Variants in ASTN2 observed in about 807,000 individuals in gnomAD.
ASTN2 encodes astrotactin 2.
ASTN2 carries 54 observed loss-of-function variants against 139.8 expected under a neutral mutation model. That is an observed-to-expected ratio of 0.39 (90% CI 0.31 to 0.48). The LOEUF is 0.48. ASTN2 is among the 20% of genes least tolerant of loss of function. ASTN2 has a pLI of 0.95. For synonymous variants in ASTN2, 756 were observed against 719.5 expected, an observed-to-expected ratio of 1.05 and a Z score of -0.81; for missense variants, 1,565 against 1,725.1, an observed-to-expected ratio of 0.91 and a Z score of 1.64.
chr9:117,019,866 A>G (rs908824757), intron 6 of ASTN2, among the ~76,000 whole-genome samples: 3 of 152,090 alleles, frequency 2.0e-5, no homozygotes, highest in Admixed American at 1.3e-4. Context: ...GGACAACAAT[A>G]CCTAACATAT....
chr9:117,327,159 C>A (rs539115637), intron 1 of ASTN2, among the ~76,000 whole-genome samples: 2 of 152,282 alleles, frequency 1.3e-5, no homozygotes, highest in East Asian at 3.9e-4. Context: ...CATGGCTGAT[C>A]TGACAGGAGA....
At chr9:117,083,642 A>T in intron 5 of ASTN2, among the ~76,000 whole-genome samples, 1 of 152,186 alleles carries the variant, frequency 6.6e-6, no homozygotes, top group East Asian at 1.9e-4. Context: ...GGAAGCAAAG[A>T]GTCACAGTCT....
chr9:117,147,430 T>A (rs150267961), intron 3 of ASTN2, among the ~76,000 whole-genome samples: 9 of 116,324 alleles, frequency 7.7e-5, no homozygotes, highest in African/African-American at 2.8e-4. Flanking sequence ...AGTGAGACTC[T>A]GACTCAAAAC....
At chr9:117,115,416 C>T (rs922500663) in intron 4 of ASTN2, among the ~76,000 whole-genome samples, 2 of 152,024 alleles carry the variant, frequency 1.3e-5, no homozygotes, top group African/African-American at 4.8e-5. Flanking sequence ...ACTAAGGAGG[C>T]TGAGGCAGGA....
Position 116,564,288 on chromosome 9 carries a change from C to G in ASTN2, c.3355+54036G>C, listed in dbSNP as rs567611380. Among the ~76,000 whole-genome samples, 8 of 152,218 alleles carry G rather than the reference C, an allele frequency of 5.3e-5. No individual in the cohort carries two copies. In the East Asian group the frequency reaches 1.5e-3, roughly 29 times the overall value. On this transcript the variant is annotated intron_variant, in intron 19 of 22. Transcript: ENST00000313400. ...AAACATGTAGCTTTCTGAGGTGGCC[C>G]AAAGTGCATGGAACTGATTGCCTCC...
intron 1 of ASTN2, among the ~76,000 whole-genome samples, chr9:117,331,658 A>G (rs1046690365): frequency 6.6e-6 from 1 of 152,158 alleles, no homozygotes; most frequent in African/African-American, 2.4e-5. Context: ...TGCTCTTGGA[A>G]TATTAGCGAT....
chr9:116,562,721 T>G, intron 19 of ASTN2, among the ~76,000 whole-genome samples: 1 of 110,476 alleles, frequency 9.1e-6, no homozygotes, highest in African/African-American at 3.8e-5. Flanking sequence ...ACAGTGCGAG[T>G]GACTGCCTCA....
At chr9:117,193,068 A>G (rs1165718255) in intron 3 of ASTN2, among the ~76,000 whole-genome samples, 1 of 152,148 alleles carries the variant, frequency 6.6e-6, no homozygotes, top group Non-Finnish European at 1.5e-5. Context: ...GTGATGGTAA[A>G]CATTTGTTAA....
intron 19 of ASTN2, among the ~76,000 whole-genome samples, chr9:116,533,721 A>G (rs7022867): frequency 0.2 from 31,026 of 152,140 alleles, 3,318 homozygotes; most frequent in Non-Finnish European, 0.23. Flanking sequence ...CCACTTGATC[A>G]TGGTGGATAA....
intron 19 of ASTN2, among the ~76,000 whole-genome samples, chr9:116,578,321 A>G (rs917191893): frequency 2.6e-5 from 4 of 151,900 alleles, no homozygotes; most frequent in Admixed American, 2.6e-4. Flanking sequence ...TAGGACCCAA[A>G]CTCTGTTTTT....
At chr9:117,198,047 GT>G (rs200025537) in intron 3 of ASTN2, among the ~76,000 whole-genome samples, 159 of 150,938 alleles carry the variant, frequency 1.1e-3, no homozygotes, top group African/African-American at 3.6e-3. Context: ...TGCCTATGTA[GT>G]TTTTTTTTCC....
In ASTN2 at chr9:116,805,640, C is replaced by T; in HGVS notation, c.2388G>A (p.Met796Ile). ...AAGTATCTACAGCATACCTAAAGGT[C>T]ATCTGGAAGACTTGGCCTTGGTTCA... ...QHVNQGQVFQ[M>I]TFRENNFIKD... Residue 796 changes from methionine to isoleucine, a missense_variant, in exon 13 of 23, where the codon ATG becomes ATA. By Grantham distance (10) the Met-to-Ile change is conservative. This residue lies in a region of ASTN2 where 503 missense variants were observed against 591.7 expected (regional missense o/e 0.85). Coordinates refer to ENST00000313400, the MANE Select transcript of ASTN2 (RefSeq NM_001365068.1). The T allele has an allele frequency of 6.2e-7, 1 of 1,613,678 alleles. No individual in the cohort carries two copies.
intron 19 of ASTN2, among the ~76,000 whole-genome samples, chr9:116,559,521 A>T (rs915334530): frequency 1.3e-5 from 2 of 152,142 alleles, no homozygotes; most frequent in Non-Finnish European, 2.9e-5. Flanking sequence ...GTGTATGTAC[A>T]TGTCTAACTG....
intron 1 of ASTN2, among the ~76,000 whole-genome samples, chr9:117,354,196 T>G (rs191132114): frequency 4.6e-4 from 70 of 152,186 alleles, no homozygotes; most frequent in African/African-American, 1.6e-3. Flanking sequence ...TGCTTAATCT[T>G]TCTATAAGCC....
intron 6 of ASTN2, among the ~76,000 whole-genome samples, chr9:117,017,815 T>C (rs1236166699): frequency 6.6e-6 from 1 of 152,172 alleles, no homozygotes; most frequent in East Asian, 1.9e-4. Flanking sequence ...TAATTGTGTA[T>C]GTCCATGTTT....
Position 116,798,654 on chromosome 9 carries a change from A to G in ASTN2, c.2396+6978T>C, listed in dbSNP as rs533942342. Among the ~76,000 whole-genome samples, 3 of 152,340 alleles carry G rather than the reference A, an allele frequency of 2.0e-5. No homozygotes were observed. In the East Asian group the frequency reaches 5.8e-4, roughly 29 times the overall value. ...TCATAAGATAGCATGTCTCTGTCCA[A>G]TCCTTTGAGATAGCAATGGGACTTA... On this transcript the variant is annotated intron_variant, in intron 13 of 22. Transcript: ENST00000313400.
At chr9:116,687,356 G>C in intron 16 of ASTN2, 2 of 690,418 alleles carry the variant, frequency 2.9e-6, no homozygotes, top group Non-Finnish European at 3.6e-6. Context: ...GCCGGCGGTG[G>C]ACTCGTCGGA....
chr9:116,652,698 T>G (rs957347117), intron 16 of ASTN2, among the ~76,000 whole-genome samples: 1 of 152,164 alleles, frequency 6.6e-6, no homozygotes, highest in African/African-American at 2.4e-5. Flanking sequence ...CAGTTATGAA[T>G]AGCAAATGAG....
chr9:117,269,822 T>G (rs1427038168), intron 2 of ASTN2, among the ~76,000 whole-genome samples: 1 of 152,226 alleles, frequency 6.6e-6, no homozygotes, highest in African/African-American at 2.4e-5. Context: ...CACTTAAAGT[T>G]GAACCAAGGC....
Sources: allele counts gnomAD v4.1 joint callset (sites outside exome capture counted in the v4.1 genomes callset), GRCh38; gene constraint gnomAD v4.1.1; regional missense constraint gnomAD v4.1.1; transcripts MANE v1.5; gene names NCBI Gene and HGNC (gene_info 2026-07-23, HGNC 2026-07-21).